CDKAL1: variants seen among roughly 807,000 people sequenced by gnomAD.
The protein encoded by CDKAL1 is CDKAL1 threonylcarbamoyladenosine tRNA methylthiotransferase.
In CDKAL1, 32 loss-of-function variants were observed where a neutral mutation model predicts 68.2. The ratio of observed to expected loss-of-function variants is 0.47; its 90% CI spans 0.35 to 0.63. The LOEUF (loss-of-function observed/expected upper bound fraction) is 0.63. Ranked by LOEUF, CDKAL1 falls within the 30% of genes least tolerant of loss-of-function variation. CDKAL1 has a pLI of 0.00. For missense variants in CDKAL1, 606 were observed against 696.7 expected (o/e 0.87, Z 1.47); for synonymous variants, 234 against 244.3 (o/e 0.96, Z 0.39).
At chr6:20,769,551 C>T (rs1170610252) in intron 7 of CDKAL1, among the ~76,000 whole-genome samples, 5 of 152,046 alleles carry the variant, frequency 3.3e-5, no homozygotes, top group Admixed American at 1.3e-4. Context: ...GCCACCACAC[C>T]GGCCTTGATC....
chr6:20,592,753 C>A (rs62400067), intron 4 of CDKAL1, among the ~76,000 whole-genome samples: 1 of 152,018 alleles, frequency 6.6e-6, no homozygotes, highest in African/African-American at 2.4e-5. Flanking sequence ...AGGTGTGAGC[C>A]GCTGTGTTTG....
chr6:20,721,260 C>T (rs1772343619), intron 5 of CDKAL1, among the ~76,000 whole-genome samples: 1 of 152,122 alleles, frequency 6.6e-6, no homozygotes, highest in South Asian at 2.1e-4. Context: ...TGGTTTGCAG[C>T]TTCATCCATG....
chr6:20,666,636 C>A (rs984848789), intron 5 of CDKAL1, among the ~76,000 whole-genome samples: 3 of 151,612 alleles, frequency 2.0e-5, no homozygotes, highest in African/African-American at 7.3e-5. Flanking sequence ...CATAGATTTG[C>A]CCGGCTGAGA....
chr6:20,935,951 A>G (rs1763684985), intron 9 of CDKAL1, among the ~76,000 whole-genome samples: 1 of 152,122 alleles, frequency 6.6e-6, no homozygotes, highest in Admixed American at 6.6e-5. Flanking sequence ...CTTTCCTCGG[A>G]GACAAATGTT....
At chr6:20,952,907 C>G (rs938953832) in intron 9 of CDKAL1, among the ~76,000 whole-genome samples, 2 of 152,212 alleles carry the variant, frequency 1.3e-5, no homozygotes, top group Non-Finnish European at 2.9e-5. Flanking sequence ...TTTGAAGGAT[C>G]CATTCTCATT....
At chr6:21,118,738 G>C (rs184071187) in intron 13 of CDKAL1, among the ~76,000 whole-genome samples, 16 of 152,208 alleles carry the variant, frequency 1.1e-4, no homozygotes, top group Admixed American at 6.5e-5. Flanking sequence ...CTGCCTTTGG[G>C]TACCTTTGAG....
At chr6:20,861,020 A>G (rs1759594363) in intron 9 of CDKAL1, among the ~76,000 whole-genome samples, 1 of 151,156 alleles carries the variant, frequency 6.6e-6, no homozygotes, top group Admixed American at 6.6e-5. Context: ...GAGGGTAAGA[A>G]CTTTCCCTAA....
intron 4 of CDKAL1, among the ~76,000 whole-genome samples, chr6:20,574,404 A>G (rs1204850008): frequency 6.6e-6 from 1 of 152,028 alleles, no homozygotes; most frequent in African/African-American, 2.4e-5. Context: ...GTACCCCTAT[A>G]CCTCCACTGA....
intron 9 of CDKAL1, among the ~76,000 whole-genome samples, chr6:20,920,314 G>A (rs1367819019): frequency 2.0e-5 from 3 of 152,140 alleles, no homozygotes; most frequent in Admixed American, 6.5e-5. Flanking sequence ...AAGAAGTGCA[G>A]ACTGAGTTAA....
At chr6:20,540,254 TAGTAGAGA>T (rs991678493) in intron 2 of CDKAL1, among the ~76,000 whole-genome samples, 21 of 151,516 alleles carry the variant, frequency 1.4e-4, no homozygotes, top group Middle Eastern at 3.4e-3. Flanking sequence ...TTTGTATTTT[TAGTAGAGA>T]TGGGGTTTCA....
chr6:20,666,832 C>A (rs1457862643), intron 5 of CDKAL1, among the ~76,000 whole-genome samples: 1 of 151,368 alleles, frequency 6.6e-6, no homozygotes, highest in Non-Finnish European at 1.5e-5. Flanking sequence ...TTAACTAGTT[C>A]TTTCTTTAAT....
chr6:21,113,232 A>G lies in CDKAL1; in HGVS notation c.1299+4769A>G, dbSNP rs1256833196. Among the ~76,000 whole-genome samples the G allele has an allele frequency of 2.6e-5, 4 of 152,246 alleles. No individual in the cohort carries two copies. The East Asian group carries it at 7.7e-4, about 29-fold the overall frequency. On this transcript the variant is annotated intron_variant, in intron 13 of 15. Coordinates refer to ENST00000274695, the MANE Select transcript of CDKAL1 (RefSeq NM_017774.3). ...GGAAACAGATATTTTGTTTTAAAATAGAATTTTTAGAAACTTTGGTATTTT... is the reference window on the plus strand; with the variant it reads ...GGAAACAGATATTTTGTTTTAAAATGGAATTTTTAGAAACTTTGGTATTTT...
chr6:20,850,394 G>A (rs1029332879), intron 9 of CDKAL1, among the ~76,000 whole-genome samples: 5 of 152,066 alleles, frequency 3.3e-5, no homozygotes, highest in African/African-American at 7.2e-5. Flanking sequence ...CCAGTCATAT[G>A]ATAGAATATA....
At chr6:20,732,426 C>T (rs1772994339) in intron 5 of CDKAL1, among the ~76,000 whole-genome samples, 1 of 150,588 alleles carries the variant, frequency 6.6e-6, no homozygotes, top group African/African-American at 2.4e-5. Flanking sequence ...CAGCTGTGCA[C>T]CATGACACCT....
At chr6:20,544,414 G>A (rs1478371149) in intron 2 of CDKAL1, among the ~76,000 whole-genome samples, 4 of 151,384 alleles carry the variant, frequency 2.6e-5, no homozygotes, top group Non-Finnish European at 2.9e-5. Context: ...TGGCTAACAC[G>A]GTGAAACCCC....
intron 13 of CDKAL1, among the ~76,000 whole-genome samples, chr6:21,113,625 A>G (rs994391438): frequency 6.6e-6 from 1 of 151,552 alleles, no homozygotes; most frequent in Non-Finnish European, 1.5e-5. Flanking sequence ...GCCTCAGCCT[A>G]CCCGGCTAAC....
intron 5 of CDKAL1, among the ~76,000 whole-genome samples, chr6:20,701,622 C>T (rs1771364494): frequency 1.3e-5 from 2 of 152,132 alleles, no homozygotes; most frequent in Admixed American, 1.3e-4. Context: ...CTTCTGCCCC[C>T]TCCCACTCTG....
chr6:20,942,164 G>T (rs1764000736), intron 9 of CDKAL1, among the ~76,000 whole-genome samples: 1 of 151,972 alleles, frequency 6.6e-6, no homozygotes, highest in South Asian at 2.1e-4. Flanking sequence ...TTGATTGATG[G>T]TTGCCCTCAG....
chr6:21,167,431 A>G (rs1482185965), intron 13 of CDKAL1, among the ~76,000 whole-genome samples: 2 of 152,222 alleles, frequency 1.3e-5, no homozygotes, highest in Admixed American at 1.3e-4. Flanking sequence ...GCCTGGAACC[A>G]AAGATGGCAA....
Sources: allele counts gnomAD v4.1 joint callset (sites outside exome capture counted in the v4.1 genomes callset), GRCh38; gene constraint gnomAD v4.1.1; transcripts MANE v1.5; gene names NCBI Gene and HGNC (gene_info 2026-07-23, HGNC 2026-07-21).